Variants in NELL2 observed in about 807,000 individuals in gnomAD.
NELL2 encodes the protein neural EGFL like 2.
NELL2 carries 41 observed loss-of-function variants against 109.6 expected under a neutral mutation model. The ratio of observed to expected loss-of-function variants is 0.37; its 90% CI spans 0.29 to 0.49. NELL2 has a LOEUF of 0.49. Ranked by LOEUF, NELL2 falls within the 20% of genes least tolerant of loss-of-function variation. The pLI is 0.98. For missense variants in NELL2, 900 were observed against 1,008.3 expected (o/e 0.89, Z 1.45); for synonymous variants, 355 against 344.7 (o/e 1.03, Z -0.33).
intron 9 of NELL2, among the ~76,000 whole-genome samples, chr12:44,762,849 G>T (rs1941182244): frequency 6.6e-6 from 1 of 152,116 alleles, no homozygotes; most frequent in African/African-American, 2.4e-5. Flanking sequence ...CTGCACCATT[G>T]CATTGCATAC....
intron 13 of NELL2, among the ~76,000 whole-genome samples, chr12:44,612,238 C>T (rs1945647989): frequency 6.6e-6 from 1 of 151,754 alleles, no homozygotes; most frequent in Non-Finnish European, 1.5e-5. Flanking sequence ...AAATAAAATG[C>T]CCTTCATTTA....
At chr12:44,531,878 T>C (rs1433119836) in intron 16 of NELL2, among the ~76,000 whole-genome samples, 4 of 152,192 alleles carry the variant, frequency 2.6e-5, no homozygotes, top group Non-Finnish European at 5.9e-5. Flanking sequence ...GTGCGGGTAG[T>C]TTCCCTGACA....
chr12:44,846,560 G>A (rs574806742), intron 2 of NELL2, among the ~76,000 whole-genome samples: 1 of 152,296 alleles, frequency 6.6e-6, no homozygotes, highest in African/African-American at 2.4e-5. Flanking sequence ...CTGCAGTAGT[G>A]AAGTAGCTCA....
At chr12:44,602,548 T>C (rs1330729926) in intron 15 of NELL2, among the ~76,000 whole-genome samples, 1 of 152,140 alleles carries the variant, frequency 6.6e-6, no homozygotes. Context: ...AGCAGATGTA[T>C]CTACAGTTTT....
intron 9 of NELL2, among the ~76,000 whole-genome samples, chr12:44,738,658 CA>C (rs1939778650): frequency 6.6e-6 from 1 of 151,266 alleles, no homozygotes; most frequent in South Asian, 2.1e-4. Flanking sequence ...GGGCCGTGGT[CA>C]GGGGGAAGGA....
chr12:44,613,644 G>C (rs1195566644), intron 13 of NELL2, among the ~76,000 whole-genome samples: 1 of 151,780 alleles, frequency 6.6e-6, no homozygotes, highest in Non-Finnish European at 1.5e-5. Context: ...TTAAAATAAA[G>C]TTGGTTATAG....
chr12:44,772,333 C>T (rs1184192650), intron 9 of NELL2, among the ~76,000 whole-genome samples: 1 of 152,106 alleles, frequency 6.6e-6, no homozygotes, highest in Non-Finnish European at 1.5e-5. Flanking sequence ...ATTGGTTTCT[C>T]CCACTTTTTT....
chr12:44,791,109 G>GTATATA (rs1327780810), intron 3 of NELL2, among the ~76,000 whole-genome samples: 3 of 10,036 alleles, frequency 3.0e-4, no homozygotes, highest in Non-Finnish European at 5.6e-4. Context: ...ATATATATAT[G>GTATATA]TATATATATA....
intron 15 of NELL2, among the ~76,000 whole-genome samples, chr12:44,553,562 A>T (rs1943125633): frequency 6.6e-6 from 1 of 152,184 alleles, no homozygotes. Context: ...TAAAAAGGTC[A>T]AATATATAGT....
At chr12:44,883,103 T>G (rs1166360038) in intron 1 of NELL2, among the ~76,000 whole-genome samples, 1 of 151,140 alleles carries the variant, frequency 6.6e-6, no homozygotes, top group Admixed American at 6.6e-5. Context: ...CCTGCCTTGG[T>G]CTCCCAAAAT....
intron 15 of NELL2, among the ~76,000 whole-genome samples, chr12:44,536,848 C>T (rs1034128646): frequency 2.6e-5 from 4 of 151,788 alleles, no homozygotes; most frequent in African/African-American, 9.7e-5. Context: ...AGATGTTTAG[C>T]CATCCAACAA....
Position 44,875,895 on chromosome 12 carries a change from C to T in NELL2, c.-26G>A. ...GGTGCGGATCAGCTCAGTCCATCGT[C>T]TCCCTCTTTAAAAATAAAAATAAAA... On this transcript the variant is annotated 5_prime_UTR_variant, in exon 1 of 20. Transcript: ENST00000429094. 1.2e-6 allele frequency: 2 copies of T among 1,613,802 alleles called. No homozygotes were observed. The highest frequency in any genetic ancestry group is 1.7e-6 in the Non-Finnish European group (2 of 1,180,030).
intron 2 of NELL2, among the ~76,000 whole-genome samples, chr12:44,832,889 C>T (rs1164399605): frequency 2.6e-5 from 4 of 152,218 alleles, no homozygotes; most frequent in South Asian, 2.1e-4. Flanking sequence ...TAACATCTCC[C>T]TAGAAAAAGG....
intron 5 of NELL2, among the ~76,000 whole-genome samples, 177 bp from the exon 6 acceptor site, chr12:44,777,491 A>C (rs1345088805): frequency 6.6e-6 from 1 of 152,214 alleles, no homozygotes; most frequent in East Asian, 1.9e-4. Context: ...TTCATCAGGC[A>C]CAATAGATGA....
chr12:44,575,694 G>A (rs979216067), intron 15 of NELL2, among the ~76,000 whole-genome samples: 1 of 151,962 alleles, frequency 6.6e-6, no homozygotes, highest in Non-Finnish European at 1.5e-5. Flanking sequence ...CTGAGCATAG[G>A]GTTTGCTATA....
chr12:44,767,760 T>C (rs769656663), intron 9 of NELL2, among the ~76,000 whole-genome samples: 3 of 152,172 alleles, frequency 2.0e-5, no homozygotes, highest in Non-Finnish European at 4.4e-5. Flanking sequence ...AGGAAAATGC[T>C]TAATATCATT....
intron 15 of NELL2, among the ~76,000 whole-genome samples, chr12:44,572,433 G>C (rs537995656): frequency 5.3e-5 from 8 of 152,264 alleles, no homozygotes; most frequent in African/African-American, 1.7e-4. Context: ...TACAATGTGA[G>C]CTACTGTGCC....
chr12:44,879,366 C>G (rs1651046318), upstream of NELL2, among the ~76,000 whole-genome samples: 1 of 152,124 alleles, frequency 6.6e-6, no homozygotes, highest in Non-Finnish European at 1.5e-5. Flanking sequence ...CCACGGAAAA[C>G]TAATATAAGT....
chr12:44,712,074 T>C (rs1423085270), intron 10 of NELL2, among the ~76,000 whole-genome samples: 1 of 152,088 alleles, frequency 6.6e-6, no homozygotes, highest in Non-Finnish European at 1.5e-5. Flanking sequence ...ATTGAAGTAT[T>C]CTTGCCTTAG....
Sources: gnomAD v4.1 joint callset for allele counts (sites outside exome capture counted in the v4.1 genomes callset) on GRCh38, gnomAD v4.1.1 for gene constraint, MANE v1.5 for transcripts, NCBI Gene and HGNC (gene_info 2026-07-23, HGNC 2026-07-21) for gene names.